The following UBE2K variants were observed in gnomAD, a reference collection of about 807,000 sequenced individuals.
The protein encoded by UBE2K is ubiquitin-conjugating enzyme E2 K.
A neutral mutation model predicts 30.0 loss-of-function variants in UBE2K; 6 were observed. The observed-to-expected ratio is 0.20, with a 90% CI of 0.11 to 0.39. The LOEUF (loss-of-function observed/expected upper bound fraction) is 0.39, where lower values mean the gene tolerates loss of function less well. Ranked by LOEUF, UBE2K falls within the 10% of genes least tolerant of loss-of-function variation. The pLI, the probability that UBE2K is intolerant of heterozygous loss-of-function variation, is 1.00. For synonymous variants in UBE2K, 86 were observed against 83.7 expected, an observed-to-expected ratio of 1.03 and a Z score of -0.15; for missense variants, 61 against 241.6, an observed-to-expected ratio of 0.25 and a Z score of 4.96.
rs1260269200 is a variant in UBE2K, at chr4:39,714,537, TATATATA to T, written c.63+16148_63+16154del. 21 of 43,252 alleles carry T rather than the reference TATATATA, an allele frequency of 4.9e-4. 2 individuals carry two copies. Among genetic ancestry groups the T allele is most frequent in the African/African-American group, 3.1e-3 (16 of 5,196 alleles). 2.7% of individuals were successfully genotyped at this position (43,252 alleles called of 1,614,324 possible). A position where few individuals can be genotyped will look rare whatever the true frequency, so the allele number is the denominator to read the frequency against. ...AGTTTCATATATATATATATATATA[TATATATA>T]TATATATTTTTTTTTTTTTTTAAGA... On this transcript the variant is annotated intron_variant, in intron 1 of 6. Coordinates refer to ENST00000261427, the MANE Select transcript of UBE2K (RefSeq NM_005339.5).
chr4:39,712,040 CA>C (rs34121884), intron 1 of UBE2K, among the ~76,000 whole-genome samples: 17 of 128,600 alleles, frequency 1.3e-4, no homozygotes, highest in Admixed American at 6.6e-4. Context: ...GACTCTGTCT[CA>C]AAAAAAAATA....
intron 1 of UBE2K, among the ~76,000 whole-genome samples, chr4:39,733,434 GC>G (rs1469924719): frequency 6.7e-6 from 1 of 148,650 alleles, no homozygotes; most frequent in African/African-American, 2.5e-5. Context: ...CCAAGTTCAA[GC>G]CATTCTTCTG....
At chr4:39,735,934 G>A (rs375768913) in intron 1 of UBE2K, among the ~76,000 whole-genome samples, 1 of 151,882 alleles carries the variant, frequency 6.6e-6, no homozygotes, top group Non-Finnish European at 1.5e-5. Flanking sequence ...AAAAATATGG[G>A]TTTTAAGTCA....
chr4:39,714,550 A>ATATATATATATATATATTTTT, intron 1 of UBE2K: 2 of 17,852 alleles, frequency 1.1e-4, no homozygotes, highest in Non-Finnish European at 1.7e-4. Context: ...ATATATATAT[A>ATATATATATATATATATTTTT]TTTTTTTTTT....
chr4:39,737,644 A>T (rs1036236771), intron 2 of UBE2K, 131 bp downstream of exon 2: 5 of 565,846 alleles, frequency 8.8e-6, no homozygotes, highest in South Asian at 5.8e-5. Context: ...ACAGCAATTT[A>T]AAAAATACTA....
At chr4:39,769,406 CCCATGACTAT>C (rs1254749441) in intron 4 of UBE2K, among the ~76,000 whole-genome samples, 2 of 149,220 alleles carry the variant, frequency 1.3e-5, no homozygotes, top group Non-Finnish European at 3.0e-5. Context: ...CCCCCCCACC[CCCATGACTAT>C]CCATTGTTCT....
chr4:39,776,108 A>G (rs529447079), intron 5 of UBE2K, among the ~76,000 whole-genome samples: 77 of 152,306 alleles, frequency 5.1e-4, no homozygotes, highest in African/African-American at 1.6e-3. Flanking sequence ...GTATCATAGA[A>G]TGATAGGTTT....
intron 1 of UBE2K, among the ~76,000 whole-genome samples, chr4:39,736,596 G>C (rs1406253958): frequency 6.6e-6 from 1 of 152,234 alleles, no homozygotes; most frequent in African/African-American, 2.4e-5. Context: ...GAATGTTAAT[G>C]TGAGTCCCAC....
Position 39,708,001 on chromosome 4 carries a change from A to AT in UBE2K, c.63+9613dup, listed in dbSNP as rs1718463810. ...AACCTCTGCCTCCCGGGTTCAAGCG[A>AT]TTCTCCTGCCTCAGTCTCCCGAGAA... is the stretch of plus-strand genomic sequence containing the variant. On this transcript the variant is annotated intron_variant, in intron 1 of 6. Transcript: ENST00000261427. 1.3e-5 allele frequency among the ~76,000 whole-genome samples: 2 copies of AT among 151,440 alleles called. 1 individual carries two copies. The highest frequency in any genetic ancestry group is 4.9e-5 in the African/African-American group (2 of 41,176).
intron 4 of UBE2K, among the ~76,000 whole-genome samples, chr4:39,766,303 A>AT (rs921424455): frequency 5.3e-5 from 8 of 151,440 alleles, no homozygotes; most frequent in East Asian, 1.9e-4. Context: ...AACAATTACC[A>AT]TTTTTTTTAT....
chr4:39,717,243 T>C (rs1719129774), intron 1 of UBE2K, among the ~76,000 whole-genome samples: 1 of 151,896 alleles, frequency 6.6e-6, no homozygotes, highest in Non-Finnish European at 1.5e-5. Context: ...TCTTTCTTTT[T>C]TTTTTTTTAA....
At chr4:39,766,517 A>T (rs1172667466) in intron 4 of UBE2K, among the ~76,000 whole-genome samples, 1 of 149,914 alleles carries the variant, frequency 6.7e-6, no homozygotes, top group Non-Finnish European at 1.5e-5. Flanking sequence ...TTCTTTATGT[A>T]TTATGGATAT....
chr4:39,723,935 C>T (rs1000612359), intron 1 of UBE2K, among the ~76,000 whole-genome samples: 7 of 152,220 alleles, frequency 4.6e-5, no homozygotes, highest in African/African-American at 1.7e-4. Context: ...GCCTCAGCCT[C>T]CCAGGTAGCT....
chr4:39,736,427 A>ACTC (rs1720384320), intron 1 of UBE2K, among the ~76,000 whole-genome samples: 1 of 152,156 alleles, frequency 6.6e-6, no homozygotes, highest in African/African-American at 2.4e-5. Context: ...GTGCCATCGC[A>ACTC]CTCCAGCCTG....
chr4:39,737,349 T>C, intron 1 of UBE2K, 71 bp from the exon 2 acceptor site: 1 of 877,182 alleles, frequency 1.1e-6, no homozygotes, highest in Non-Finnish European at 1.7e-6. Flanking sequence ...GTTTCAAGAT[T>C]TTTTATAGGT....
chr4:39,741,616 GTATT>G (rs748000199), intron 2 of UBE2K, among the ~76,000 whole-genome samples: 5 of 152,294 alleles, frequency 3.3e-5, no homozygotes, highest in Non-Finnish European at 7.3e-5. Context: ...TGTTTTTGTA[GTATT>G]TAAAGAATCA....
chr4:39,773,692 C>G (rs558700980), intron 4 of UBE2K, among the ~76,000 whole-genome samples: 1 of 151,842 alleles, frequency 6.6e-6, no homozygotes, highest in Non-Finnish European at 1.5e-5. Context: ...GAGGCCGAGG[C>G]GGGCGGATCA....
At chr4:39,760,243 A>G (rs1711835474) in intron 4 of UBE2K, among the ~76,000 whole-genome samples, 2 of 151,862 alleles carry the variant, frequency 1.3e-5, no homozygotes, top group Admixed American at 1.3e-4. Flanking sequence ...TAAAGCCAGT[A>G]ATATCTACCA....
At chr4:39,764,289 G>C (rs1164412409) in intron 4 of UBE2K, among the ~76,000 whole-genome samples, 1 of 152,126 alleles carries the variant, frequency 6.6e-6, no homozygotes, top group Non-Finnish European at 1.5e-5. Context: ...AGTGAGCCGT[G>C]TTCACACATT....
Sources: allele counts gnomAD v4.1 joint callset (sites outside exome capture counted in the v4.1 genomes callset), GRCh38; gene constraint gnomAD v4.1.1; transcripts MANE v1.5; gene names NCBI Gene and HGNC (gene_info 2026-07-23, HGNC 2026-07-21).